RALGDS: variants seen among roughly 807,000 people sequenced by gnomAD.
RALGDS encodes the protein ral guanine nucleotide dissociation stimulator, also known as ral guanine nucleotide exchange factor.
Under a neutral mutation model 99.8 loss-of-function variants are expected in RALGDS, and 44 were observed. The observed-to-expected ratio is 0.44, with a 90% CI of 0.35 to 0.57. The LOEUF (loss-of-function observed/expected upper bound fraction) is 0.57. Among genes scored for constraint, RALGDS ranks in the 20% least tolerant of loss-of-function variants. The probability of loss-of-function intolerance (pLI) is 0.01; values close to 1 mark genes in which losing one functional copy is unlikely to be tolerated. For missense variants in RALGDS, 1,022 were observed against 1,203.1 expected (o/e 0.85, Z 2.23); for synonymous variants, 529 against 505.0 (o/e 1.05, Z -0.64).
rs1416463823 is a variant in RALGDS at position 133,104,528 on chromosome 9, G to A, written c.1603-197C>T. ...GAAAGTGCGGATGAGAACTCCGCCT[G>A]CTGCATGGTGCGGTGGCTCACGCCT... On this transcript the variant is annotated intron_variant, in intron 9 of 17. Transcript: ENST00000372050. The A allele has an allele frequency of 5.0e-6, 3 of 604,222 alleles. No homozygotes were observed. In the South Asian group the frequency reaches 5.7e-5, roughly 11 times the overall value. 37.4% of individuals were successfully genotyped at this position (604,222 alleles called of 1,614,324 possible).
upstream of RALGDS, among the ~76,000 whole-genome samples, chr9:133,125,804 C>T (rs1202920101): frequency 6.6e-6 from 1 of 152,128 alleles, no homozygotes; most frequent in African/African-American, 2.4e-5. Flanking sequence ...CAGCAGTCCT[C>T]CAGAGAGGGC....
chr9:133,112,109 A>G lies in RALGDS; in HGVS notation c.227T>C (p.Ile76Thr). Residue 76 changes from isoleucine (I) to threonine (T), a missense_variant, in exon 2 of 18, where the codon ATC becomes ACC. Ile to Thr is a moderately conservative substitution (Grantham distance 89). This residue lies in a region of RALGDS where 180 missense variants were observed against 169.3 expected (regional missense o/e 1.06). Coordinates refer to ENST00000372050, the MANE Select transcript of RALGDS (RefSeq NM_006266.4). The part of the protein sequence containing the change: ...EIGEELINGV[I>T]YSISLRKVQL... ...CACCTTGCGCAGGGAGATGGAGTAGATGACTCCGTTGATCAGCTCCTCACC... is the reference window on the plus strand; with the variant it reads ...CACCTTGCGCAGGGAGATGGAGTAGGTGACTCCGTTGATCAGCTCCTCACC... 6.3e-7 allele frequency: 1 copy of G among 1,583,916 alleles called. No homozygotes were observed. Among genetic ancestry groups the G allele is most frequent in the Non-Finnish European group, 8.6e-7 (1 of 1,164,166 alleles).
chr9:133,109,005 G>A, intron 4 of RALGDS, 139 bp from the exon 5 acceptor site: 1 of 819,362 alleles, frequency 1.2e-6, no homozygotes, highest in Non-Finnish European at 2.0e-6. Context: ...AAAGAACCAA[G>A]GAGGCCCCTG....
chr9:133,126,910 T>A (rs1486971699), intron 1 of RALGDS, among the ~76,000 whole-genome samples: 1 of 152,134 alleles, frequency 6.6e-6, no homozygotes, highest in East Asian at 1.9e-4. Flanking sequence ...CTGTGGTCCC[T>A]CTTCTCCCTG....
exon 1 of RALGDS, chr9:133,149,042 C>G: frequency 7.0e-7 from 1 of 1,429,442 alleles, no homozygotes; most frequent in Non-Finnish European, 9.2e-7. Flanking sequence ...AGAGGCCGCT[C>G]GCCTGGGCCC....
intron 1 of RALGDS, chr9:133,129,409 C>T: frequency 7.0e-7 from 1 of 1,430,604 alleles, no homozygotes. Flanking sequence ...AGTGGAGCAC[C>T]CGAGTGCCTG....
intron 9 of RALGDS, among the ~76,000 whole-genome samples, chr9:133,104,949 TA>T (rs1830945388): frequency 6.6e-6 from 1 of 152,142 alleles, no homozygotes. Context: ...CTCCATTTTC[TA>T]GATGAGGAAA....
chr9:133,131,772 G>A (rs1225472340), upstream of RALGDS, among the ~76,000 whole-genome samples: 1 of 152,186 alleles, frequency 6.6e-6, no homozygotes, highest in Non-Finnish European at 1.5e-5. Flanking sequence ...GGTCAGCCCA[G>A]GACTGAAATT....
intron 1 of RALGDS, among the ~76,000 whole-genome samples, chr9:133,119,625 T>C (rs1831808305): frequency 6.6e-6 from 1 of 152,062 alleles, no homozygotes; most frequent in African/African-American, 2.4e-5. Context: ...CCCGAGCTGC[T>C]GCCAGAGGTA....
In RALGDS at chr9:133,102,530, G is replaced by A. The variant is rs1284974271; in HGVS notation, c.1955C>T (p.Ala652Val). The A allele has an allele frequency of 6.2e-7, 1 of 1,614,124 alleles. No homozygotes were observed. The highest frequency in any genetic ancestry group is 8.5e-7 in the Non-Finnish European group (1 of 1,180,028). ...SCELEPPSES[A>V]SNTLRTKKNT... Reference sequence around the variant, plus strand: ...CTTCTTGGTCCTGAGGGTGTTGCTGGCTGACTCGGATGGGGGCTCCAGCTC... The same window carrying A: ...CTTCTTGGTCCTGAGGGTGTTGCTGACTGACTCGGATGGGGGCTCCAGCTC... Residue 652 changes from alanine to valine, a missense_variant, in exon 14 of 18, where the codon GCC becomes GTC. Physicochemically the swap from Ala to Val is moderately conservative, Grantham distance 64. Coordinates refer to ENST00000372050, the MANE Select transcript of RALGDS (RefSeq NM_006266.4).
chr9:133,099,098 C>T, intron 17 of RALGDS: 1 of 343,488 alleles, frequency 2.9e-6, no homozygotes. Flanking sequence ...GGTCACCTCC[C>T]AGAATCCTGC....
chr9:133,124,303 GACAC>G (rs1407440724), upstream of RALGDS, among the ~76,000 whole-genome samples: 5 of 151,344 alleles, frequency 3.3e-5, no homozygotes, highest in Non-Finnish European at 5.9e-5. Flanking sequence ...TAGAGACGGA[GACAC>G]ACACACAGAG....
intron 16 of RALGDS, 148 bp downstream of exon 16, chr9:133,101,372 C>T (rs1830747329): frequency 5.2e-6 from 8 of 1,546,292 alleles, no homozygotes; most frequent in Non-Finnish European, 5.3e-6. Context: ...TCCCTGATCA[C>T]TACCTTCTTC....
rs758043647 is a variant in RALGDS at position 133,101,251 on chromosome 9, A to T, written c.2454+269T>A. ...GGCAGGGCTCAGGGCCTATGTGGCC[A>T]GGCCCTGGATACTTCCCTGACCTCA... On this transcript the variant is annotated intron_variant, in intron 16 of 17. Transcript: ENST00000372050. 7 of 1,324,976 alleles carry T rather than the reference A, an allele frequency of 5.3e-6. No homozygotes were observed. The South Asian group carries it at 1.1e-4, about 20-fold the overall frequency. The allele number at this position is 1,324,976 out of a possible 1,614,324, so 82.1% of individuals were successfully genotyped here. A position where few individuals can be genotyped will look rare whatever the true frequency, so the allele number is the denominator to read the frequency against.
chr9:133,102,766 G>T lies in RALGDS; in HGVS notation c.1913+13C>A, dbSNP rs694881. 4.4e-6 allele frequency: 7 copies of T among 1,608,710 alleles called. No individual in the cohort carries two copies. Among genetic ancestry groups the T allele is most frequent in the Non-Finnish European group, 5.9e-6 (7 of 1,178,784 alleles). On this transcript the variant is annotated intron_variant, in intron 13 of 17. Transcript: ENST00000372050. Reference sequence around the variant, plus strand: ...CCTGCCCCCACTGTCCCCATTTGCTGCCCCGGCCTCACCTCTCAGTCTCGC... The same window carrying T: ...CCTGCCCCCACTGTCCCCATTTGCTTCCCCGGCCTCACCTCTCAGTCTCGC...
chr9:133,101,155 A>C, intron 16 of RALGDS: 1 of 1,170,748 alleles, frequency 8.5e-7, no homozygotes, highest in Non-Finnish European at 1.1e-6. Context: ...CGGCTCTGGT[A>C]CCAGCCCACA....
intron 8 of RALGDS, 106 bp from the exon 9 acceptor site, chr9:133,106,122 G>T: frequency 1.2e-6 from 1 of 850,982 alleles, no homozygotes; most frequent in Non-Finnish European, 1.9e-6. Flanking sequence ...CTGCCTGAAC[G>T]CAGCACACAG....
At chr9:133,130,919 G>A in intron 1 of RALGDS, 2 of 1,515,246 alleles carry the variant, frequency 1.3e-6, no homozygotes, top group Non-Finnish European at 8.9e-7. Context: ...CCAGGGCGAA[G>A]TCAGAGGCCA....
At chr9:133,148,499 A>C (rs1017014400) in intron 1 of RALGDS, among the ~76,000 whole-genome samples, 9 of 144,596 alleles carry the variant, frequency 6.2e-5, no homozygotes, top group Non-Finnish European at 9.0e-5. Flanking sequence ...TCTTTCCCCC[A>C]GTCACTTCCC....
Sources: allele counts gnomAD v4.1 joint callset (sites outside exome capture counted in the v4.1 genomes callset), GRCh38; gene constraint gnomAD v4.1.1; regional missense constraint gnomAD v4.1.1; transcripts MANE v1.5; gene names NCBI Gene and HGNC (gene_info 2026-07-23, HGNC 2026-07-21).